IARS1: variants seen among roughly 807,000 people sequenced by gnomAD.
The protein encoded by IARS1 is isoleucine--tRNA ligase, cytoplasmic.
In IARS1, 124 loss-of-function variants were observed where a neutral mutation model predicts 168.2. The observed-to-expected ratio is 0.74, with a 90% CI of 0.64 to 0.86. The LOEUF (loss-of-function observed/expected upper bound fraction) is 0.86. Ranked by LOEUF, IARS1 falls within the 40% of genes least tolerant of loss-of-function variation. IARS1 has a pLI of 0.00. For missense variants in IARS1, 1,452 were observed against 1,515.8 expected (o/e 0.96, Z 0.70); for synonymous variants, 532 against 529.4 (o/e 1.00, Z -0.07).
intron 10 of IARS1, among the ~76,000 whole-genome samples, chr9:92,272,244 C>T (rs888821073): frequency 6.6e-6 from 1 of 152,210 alleles, no homozygotes; most frequent in Non-Finnish European, 1.5e-5. Context: ...TGAAACCACA[C>T]TCTGGGTTGA....
At chr9:92,293,195 A>G (rs1231483157) in intron 1 of IARS1, among the ~76,000 whole-genome samples, 1 of 152,250 alleles carries the variant, frequency 6.6e-6, no homozygotes, top group Non-Finnish European at 1.5e-5. Flanking sequence ...ATGCAAATGT[A>G]CAAAATGTGT....
chr9:92,265,238 GA>G, intron 15 of IARS1, 115 bp from the exon 16 acceptor site: 2 of 967,024 alleles, frequency 2.1e-6, no homozygotes. Context: ...TTTGCAAACA[GA>G]AATATCAGCA....
intron 21 of IARS1, 84 bp downstream of exon 21, chr9:92,253,278 C>A (rs1830268837): frequency 1.2e-6 from 1 of 819,110 alleles, no homozygotes; most frequent in Admixed American, 2.1e-5. Context: ...GAAAATGTTC[C>A]TCTCCCTTCT....
At chr9:92,264,409 T>G (rs1331253207) in intron 16 of IARS1, among the ~76,000 whole-genome samples, 1 of 152,054 alleles carries the variant, frequency 6.6e-6, no homozygotes, top group East Asian at 1.9e-4. Context: ...ATTCACCTTC[T>G]TCCAATTAAG....
chr9:92,252,701 T>C (rs1177512718), intron 21 of IARS1, among the ~76,000 whole-genome samples: 1 of 132,928 alleles, frequency 7.5e-6, no homozygotes, highest in East Asian at 2.1e-4. Context: ...GAGGCAAAGG[T>C]TGTAGTGAGC....
chr9:92,286,957 G>A (rs902185361), intron 4 of IARS1, among the ~76,000 whole-genome samples: 16 of 152,080 alleles, frequency 1.1e-4, no homozygotes, highest in African/African-American at 1.7e-4. Flanking sequence ...ACAAAAAAAA[G>A]AATATTTGGA....
chr9:92,255,243 C>T (rs576881069), intron 20 of IARS1, among the ~76,000 whole-genome samples: 1 of 152,238 alleles, frequency 6.6e-6, no homozygotes, highest in Non-Finnish European at 1.5e-5. Context: ...GCAGCAGCGC[C>T]TACTCCAGGG....
At chr9:92,282,860 A>ATTTTT (rs35959111) in intron 6 of IARS1, among the ~76,000 whole-genome samples, 6 of 132,856 alleles carry the variant, frequency 4.5e-5, no homozygotes, top group African/African-American at 1.7e-4. Flanking sequence ...ATATATATAT[A>ATTTTT]TTTTTTTTTT....
intron 12 of IARS1, among the ~76,000 whole-genome samples, chr9:92,270,307 T>G (rs1378371407): frequency 4.6e-5 from 7 of 152,202 alleles, no homozygotes; most frequent in African/African-American, 9.7e-5. Flanking sequence ...GAACATTTCA[T>G]TTTCACCCAT....
chr9:92,277,976 T>C, intron 8 of IARS1, 53 bp from the exon 9 acceptor site: 5 of 1,525,096 alleles, frequency 3.3e-6, no homozygotes, highest in Non-Finnish European at 3.6e-6. Context: ...AATATGAGGC[T>C]GCAGCCACAT....
intron 33 of IARS1, among the ~76,000 whole-genome samples, chr9:92,219,122 A>G (rs900874994): frequency 3.3e-5 from 5 of 152,176 alleles, no homozygotes; most frequent in African/African-American, 1.2e-4. Context: ...AACGCCACGT[A>G]TCTACAACTA....
intron 19 of IARS1, among the ~76,000 whole-genome samples, chr9:92,257,344 G>A (rs1830866601): frequency 6.6e-6 from 1 of 152,178 alleles, no homozygotes. Flanking sequence ...AGGCTAGCGG[G>A]GCAGTGATAA....
chr9:92,282,315 T>C (rs1167226404), intron 6 of IARS1, among the ~76,000 whole-genome samples: 2 of 152,068 alleles, frequency 1.3e-5, no homozygotes, highest in Non-Finnish European at 2.9e-5. Context: ...CTTTTCTTTT[T>C]TTTTTGAGAT....
At chr9:92,288,563 G>A (rs1471497705) in intron 2 of IARS1, among the ~76,000 whole-genome samples, 1 of 152,086 alleles carries the variant, frequency 6.6e-6, no homozygotes, top group Non-Finnish European at 1.5e-5. Context: ...TATCTCATCA[G>A]TAAAATAGGG....
chr9:92,282,811 T>C (rs1834820790), intron 6 of IARS1, among the ~76,000 whole-genome samples: 2 of 149,886 alleles, frequency 1.3e-5, no homozygotes, highest in African/African-American at 4.9e-5. Flanking sequence ...TACATATATA[T>C]GTATACTTAC....
At chr9:92,285,700 A>C in intron 6 of IARS1, 22 bp downstream of exon 6, 2 of 1,422,588 alleles carry the variant, frequency 1.4e-6, no homozygotes, top group African/African-American at 2.8e-5. Flanking sequence ...AATGCTGAAT[A>C]ATGTCTCTAC....
intron 23 of IARS1, 100 bp downstream of exon 23, chr9:92,250,613 C>T (rs1829876743): frequency 6.0e-6 from 8 of 1,327,690 alleles, no homozygotes; most frequent in Non-Finnish European, 8.1e-6. Context: ...AGGCAAGGCA[C>T]AGATGGAGCT....
chr9:92,267,954 AG>A (rs1207192404), intron 14 of IARS1, among the ~76,000 whole-genome samples: 20 of 152,246 alleles, frequency 1.3e-4, no homozygotes, highest in Admixed American at 1.3e-3. Context: ...ATTTTTACAG[AG>A]GAAAGTTTTA....
intron 19 of IARS1, 24 bp downstream of exon 19, chr9:92,258,830 T>C: frequency 6.4e-7 from 1 of 1,572,304 alleles, no homozygotes. Context: ...GGCAGGTACA[T>C]GTGCAGCCCC....
Sources: allele counts gnomAD v4.1 joint callset (sites outside exome capture counted in the v4.1 genomes callset), GRCh38; gene constraint gnomAD v4.1.1; transcripts MANE v1.5; gene names NCBI Gene and HGNC (gene_info 2026-07-23, HGNC 2026-07-21).